HERC4: variants seen among roughly 807,000 people sequenced by gnomAD.
HERC4 encodes the protein HECT and RLD domain containing E3 ubiquitin protein ligase 4.
In HERC4, 28 loss-of-function variants were observed where a neutral mutation model predicts 124.3. The observed-to-expected ratio is 0.23, with a 90% confidence interval of 0.17 to 0.31. The LOEUF is 0.31. HERC4 is among the 10% of genes least tolerant of loss of function. The probability of loss-of-function intolerance (pLI) is 1.00; values close to 1 mark genes in which losing one functional copy is unlikely to be tolerated. For missense variants in HERC4, 713 were observed against 1,229.3 expected (o/e 0.58, Z 6.28); for synonymous variants, 407 against 421.5 (o/e 0.97, Z 0.42).
At chr10:67,966,988 G>A in intron 15 of HERC4, among the ~76,000 whole-genome samples, 186 bp from the exon 16 acceptor site, 1 of 152,136 alleles carries the variant, frequency 6.6e-6, no homozygotes, top group East Asian at 1.9e-4. Flanking sequence ...CTGAGTAGCT[G>A]GGACTACAAG....
chr10:67,992,088 G>A, intron 11 of HERC4, 111 bp downstream of exon 11: 2 of 940,214 alleles, frequency 2.1e-6, no homozygotes, highest in South Asian at 3.1e-5. Flanking sequence ...GTAGAGACAG[G>A]GTTTTGCCAT....
chr10:68,004,333 C>A (rs1287316116), intron 9 of HERC4, among the ~76,000 whole-genome samples: 2 of 152,076 alleles, frequency 1.3e-5, no homozygotes, highest in Non-Finnish European at 2.9e-5. Flanking sequence ...CAAATATTTT[C>A]TCCCATTCTG....
intron 8 of HERC4, among the ~76,000 whole-genome samples, chr10:68,014,699 T>C (rs533155492): frequency 6.6e-6 from 1 of 152,210 alleles, no homozygotes; most frequent in Non-Finnish European, 1.5e-5. Context: ...AATCTCTATA[T>C]GTACGCACCA....
At chr10:68,027,054 A>C (rs997116254) in intron 7 of HERC4, among the ~76,000 whole-genome samples, 2 of 152,216 alleles carry the variant, frequency 1.3e-5, no homozygotes, top group African/African-American at 4.8e-5. Context: ...ACTAAATTAT[A>C]ACTAAATTAG....
intron 4 of HERC4, among the ~76,000 whole-genome samples, chr10:68,044,106 GTAGTT>G (rs1308280822): frequency 3.9e-5 from 6 of 152,096 alleles, no homozygotes; most frequent in Non-Finnish European, 7.4e-5. Context: ...CAAGATAGTA[GTAGTT>G]TAAATTAGTA....
intron 3 of HERC4, among the ~76,000 whole-genome samples, chr10:68,059,492 A>G (rs2040742171): frequency 1.5e-5 from 2 of 129,878 alleles, no homozygotes; most frequent in African/African-American, 5.8e-5. Context: ...TATATATTAT[A>G]ACATTATATA....
chr10:67,950,863 A>T (rs540858389), intron 19 of HERC4, among the ~76,000 whole-genome samples: 1 of 152,236 alleles, frequency 6.6e-6, no homozygotes, highest in Non-Finnish European at 1.5e-5. Context: ...GAAGTACTAC[A>T]CTTAGCACCC....
At chr10:67,951,332 C>T (rs1485596035) in intron 19 of HERC4, among the ~76,000 whole-genome samples, 1 of 152,220 alleles carries the variant, frequency 6.6e-6, no homozygotes, top group African/African-American at 2.4e-5. Context: ...TGTCCACTTA[C>T]CTCAGAGGCC....
chr10:68,066,444 C>T (rs904508160), intron 3 of HERC4, among the ~76,000 whole-genome samples: 5 of 152,200 alleles, frequency 3.3e-5, no homozygotes, highest in African/African-American at 1.2e-4. Flanking sequence ...CATGTAAAAA[C>T]ACTAACATAC....
chr10:67,925,015 CAG>C, intron 24 of HERC4, 68 bp downstream of exon 24: 2 of 828,878 alleles, frequency 2.4e-6, no homozygotes, highest in South Asian at 3.5e-5. Context: ...AAGATTAAAA[CAG>C]GGCTTTGGAA....
chr10:68,043,266 C>T (rs1294281436), intron 4 of HERC4, among the ~76,000 whole-genome samples: 1 of 152,162 alleles, frequency 6.6e-6, no homozygotes, highest in Non-Finnish European at 1.5e-5. Context: ...TTTGAGAATA[C>T]TGACTCAGAA....
chr10:67,985,906 T>C (rs1328430821), intron 15 of HERC4, among the ~76,000 whole-genome samples: 2 of 152,202 alleles, frequency 1.3e-5, no homozygotes, highest in African/African-American at 2.4e-5. Flanking sequence ...TTCATAATCA[T>C]CCTCCAGAGT....
intron 15 of HERC4, among the ~76,000 whole-genome samples, chr10:67,985,172 G>T (rs2036190482): frequency 6.6e-6 from 1 of 152,096 alleles, no homozygotes; most frequent in Non-Finnish European, 1.5e-5. Context: ...ATAGCACTCT[G>T]CATTTTCCCT....
rs1287919353 is a variant in HERC4 at position 67,941,003 on chromosome 10, T to C, written c.2440A>G (p.Lys814Glu). Residue 814 changes from lysine (K) to glutamate (E), a missense_variant, in exon 20 of 25, where the codon AAG becomes GAG. Lys to Glu is a moderately conservative substitution (Grantham distance 56). Transcript: ENST00000373700. The stretch of plus-strand genomic sequence containing the variant: ...GATGGCTTCTTTTTCAGTAGTTTCT[T>C]ATATAAAGCCAAAGGAAAATGGAGG... ...VDLHFPLALY[K>E]KLLKKKPSLD... 4.3e-6 allele frequency: 7 copies of C among 1,612,654 alleles called. No individual in the cohort carries two copies. Among genetic ancestry groups the C allele is most frequent in the Non-Finnish European group, 5.1e-6 (6 of 1,179,542 alleles).
intron 22 of HERC4, among the ~76,000 whole-genome samples, chr10:67,934,788 A>G (rs2032181049): frequency 6.6e-6 from 1 of 151,986 alleles, no homozygotes; most frequent in African/African-American, 2.4e-5. Context: ...TTTTCTGGAC[A>G]GTTTTAGGGT....
At chr10:68,070,234 CA>C (rs2041503191) in intron 3 of HERC4, 1 of 981,604 alleles carries the variant, frequency 1.0e-6, no homozygotes, top group Non-Finnish European at 1.2e-6. Flanking sequence ...GGAAATGACA[CA>C]AATCATTAAC....
At chr10:68,046,806 A>G (rs539707885) in intron 3 of HERC4, among the ~76,000 whole-genome samples, 1 of 152,306 alleles carries the variant, frequency 6.6e-6, no homozygotes, top group African/African-American at 2.4e-5. Context: ...GTCTCTACAA[A>G]TAATTTTTTA....
At chr10:67,963,953 C>T (rs1420565410) in intron 16 of HERC4, among the ~76,000 whole-genome samples, 4 of 152,062 alleles carry the variant, frequency 2.6e-5, no homozygotes, top group Non-Finnish European at 1.5e-5. Context: ...CTCCTGCCAT[C>T]ACAGGTTCTC....
At chr10:67,967,321 A>G (rs2034948497) in intron 15 of HERC4, among the ~76,000 whole-genome samples, 2 of 152,182 alleles carry the variant, frequency 1.3e-5, no homozygotes, top group Admixed American at 6.5e-5. Context: ...TGCATTCAGT[A>G]CCCCAAAATC....
Sources: gnomAD v4.1 joint callset for allele counts (sites outside exome capture counted in the v4.1 genomes callset) on GRCh38, gnomAD v4.1.1 for gene constraint, MANE v1.5 for transcripts, NCBI Gene and HGNC (gene_info 2026-07-23, HGNC 2026-07-21) for gene names.